Variants in GTF2IRD2B observed in about 807,000 individuals in gnomAD.
GTF2IRD2B encodes GTF2I repeat domain containing 2B, also known as general transcription factor II-I repeat domain-containing protein 2B.
GTF2IRD2B carries 10 observed loss-of-function variants against 55.6 expected under a neutral mutation model. That is an observed-to-expected ratio of 0.18 (90% CI 0.11 to 0.31). GTF2IRD2B has a LOEUF of 0.31. Among genes scored for constraint, GTF2IRD2B ranks in the 10% least tolerant of loss-of-function variants. GTF2IRD2B has a pLI of 1.00. For missense variants in GTF2IRD2B, 206 were observed against 802.7 expected, an observed-to-expected ratio of 0.26 and a Z score of 8.98; for synonymous variants, 107 against 320.5, an observed-to-expected ratio of 0.33 and a Z score of 7.12.
At chr7:75,118,012 G>A (rs1712294118) in intron 3 of GTF2IRD2B, among the ~76,000 whole-genome samples, 1 of 150,854 alleles carries the variant, frequency 6.6e-6, no homozygotes, top group South Asian at 2.1e-4. Context: ...GAACCCAGGA[G>A]GTGGAGGTTG....
intron 4 of GTF2IRD2B, 148 bp from the exon 5 acceptor site, chr7:75,122,988 T>G: frequency 1.8e-6 from 2 of 1,135,802 alleles, no homozygotes. Context: ...AGGTGGAGGT[T>G]GCAGCGAGCC....
intron 1 of GTF2IRD2B, among the ~76,000 whole-genome samples, chr7:75,105,273 G>T (rs1330827542): frequency 6.6e-6 from 1 of 152,308 alleles, no homozygotes; most frequent in African/African-American, 2.4e-5. Flanking sequence ...GGAGGCCGAG[G>T]CGGGCGGATC....
chr7:75,145,731 CAAA>C (rs1239787118), intron 15 of GTF2IRD2B, among the ~76,000 whole-genome samples: 5 of 83,702 alleles, frequency 6.0e-5, no homozygotes, highest in Admixed American at 2.5e-4. Context: ...GACTCTGTCT[CAAA>C]AAAAAAAAAA....
At chr7:75,109,340 A>G (rs1807892630) in intron 2 of GTF2IRD2B, among the ~76,000 whole-genome samples, 1 of 137,528 alleles carries the variant, frequency 7.3e-6, no homozygotes, top group Admixed American at 7.5e-5. Context: ...CATCCAGCTA[A>G]TTTTTGTTTT....
intron 3 of GTF2IRD2B, 51 bp from the exon 4 acceptor site, chr7:75,120,840 G>A (rs781842350): frequency 2.5e-6 from 4 of 1,598,634 alleles, no homozygotes; most frequent in Non-Finnish European, 3.4e-6. Flanking sequence ...GTACGGAAGT[G>A]TACAGCACAA....
At chr7:75,102,720 G>C (rs1807616168) in intron 1 of GTF2IRD2B, among the ~76,000 whole-genome samples, 1 of 151,676 alleles carries the variant, frequency 6.6e-6, no homozygotes, top group African/African-American at 2.4e-5. Context: ...GGCTTCGGGA[G>C]GCCAAGGCAG....
rs781805907 is a variant in GTF2IRD2B at position 75,149,285 on chromosome 7, C to T, written c.2838C>T (p.His946=). The part of the protein sequence containing the change: ...LKDSQWDSVL[H]IAT The stretch of plus-strand genomic sequence containing the variant: ...ATTCCCAGTGGGATTCTGTACTCCA[C>T]ATCGCAACGTGATGGAGAGAAAACT... Residue 946 remains histidine, a synonymous_variant, in exon 16 of 16, where the codon CAC becomes CAT. Transcript: ENST00000472837. 2 of 758,150 alleles carry T rather than the reference C, an allele frequency of 2.6e-6. No homozygotes were observed. The highest frequency in any genetic ancestry group is 2.4e-6 in the Non-Finnish European group (1 of 410,614). 47.0% of individuals were successfully genotyped at this position (758,150 alleles called of 1,614,324 possible).
Position 75,105,332 on chromosome 7 carries a change from C to T in GTF2IRD2B, c.-5-3628C>T, listed in dbSNP as rs1316257056. On this transcript the variant is annotated intron_variant, in intron 1 of 15. Coordinates refer to ENST00000472837, the MANE Select transcript of GTF2IRD2B (RefSeq NM_001003795.3). The stretch of plus-strand genomic sequence containing the variant: ...CAGCCTGGCCAACATGGTGTAACCC[C>T]GTCTCCACCAAAAATACAAAAATTA... Among the ~76,000 whole-genome samples, 10 of 152,330 alleles carry T rather than the reference C, an allele frequency of 6.6e-5. No individual in the cohort carries two copies. In the East Asian group the frequency reaches 9.6e-4, roughly 15 times the overall value.
chr7:75,117,427 G>A lies in GTF2IRD2B; in HGVS notation c.239-3464G>A, dbSNP rs202053062. ...GGAGAATCGCTTGAACCCGGGAGGC[G>A]GAGGTTGCAGTGAGCTCTCACCTGC... On this transcript the variant is annotated intron_variant, in intron 3 of 15. Transcript: ENST00000472837. Among the ~76,000 whole-genome samples the A allele has an allele frequency of 3.3e-4, 51 of 152,384 alleles. No individual in the cohort carries two copies. The East Asian group carries it at 5.8e-3, about 17-fold the overall frequency.
At chr7:75,102,088 C>T (rs1201037133) in intron 1 of GTF2IRD2B, among the ~76,000 whole-genome samples, 70 of 150,684 alleles carry the variant, frequency 4.6e-4, no homozygotes, top group African/African-American at 1.4e-3. Context: ...CTGCAACCTC[C>T]GCCTCCCGGG....
chr7:75,114,540 G>A (rs1337948243), intron 3 of GTF2IRD2B, among the ~76,000 whole-genome samples: 4 of 150,910 alleles, frequency 2.7e-5, no homozygotes, highest in Admixed American at 6.6e-5. Context: ...ACAGTAGTGA[G>A]CATAGTACCC....
At chr7:75,135,214 A>G (rs1808799767) in intron 10 of GTF2IRD2B, among the ~76,000 whole-genome samples, 157 bp downstream of exon 10, 1 of 147,866 alleles carries the variant, frequency 6.8e-6, no homozygotes, top group Non-Finnish European at 1.5e-5. Context: ...GCTCACTACA[A>G]CCTCTGCCTC....
intron 3 of GTF2IRD2B, among the ~76,000 whole-genome samples, chr7:75,113,954 C>T (rs1554537604): frequency 1.3e-5 from 2 of 148,914 alleles, no homozygotes; most frequent in African/African-American, 5.0e-5. Flanking sequence ...TGTATATAGA[C>T]AGATTAGATA....
intron 1 of GTF2IRD2B, among the ~76,000 whole-genome samples, chr7:75,105,257 AC>A (rs1195237298): frequency 6.6e-6 from 1 of 152,250 alleles, no homozygotes; most frequent in African/African-American, 2.4e-5. Flanking sequence ...TAATCCCAGC[AC>A]TTTAGGAGGC....
chr7:75,106,173 C>T (rs1217380586), intron 1 of GTF2IRD2B, among the ~76,000 whole-genome samples: 19 of 152,426 alleles, frequency 1.2e-4, no homozygotes, highest in Non-Finnish European at 2.1e-4. Flanking sequence ...GAGGCTGAGG[C>T]GGGCAGATCA....
At chr7:75,118,312 A>C (rs1563094346) in intron 3 of GTF2IRD2B, among the ~76,000 whole-genome samples, 1 of 150,848 alleles carries the variant, frequency 6.6e-6, no homozygotes, top group Non-Finnish European at 1.5e-5. Flanking sequence ...TGTTGCAGGC[A>C]CCCACAGGGT....
intron 6 of GTF2IRD2B, 142 bp downstream of exon 6, chr7:75,123,658 A>G (rs1203303135): frequency 1.5e-6 from 1 of 652,116 alleles, no homozygotes; most frequent in Non-Finnish European, 2.8e-6. Context: ...GGTGGATCAC[A>G]AGGTCAGGAG....
intron 1 of GTF2IRD2B, among the ~76,000 whole-genome samples, chr7:75,101,893 C>CAAAAAAAA (rs1243907524): frequency 1.3e-5 from 1 of 78,392 alleles, no homozygotes; most frequent in Non-Finnish European, 2.3e-5. Flanking sequence ...GACCCCATCT[C>CAAAAAAAA]AAAAAAAAAA....
At chr7:75,112,713 G>C in intron 3 of GTF2IRD2B, 178 bp downstream of exon 3, 1 of 1,508,692 alleles carries the variant, frequency 6.6e-7, no homozygotes, top group South Asian at 1.2e-5. Context: ...CAAGACAAAT[G>C]GTCATTTTAT....
Sources: allele counts gnomAD v4.1 joint callset (sites outside exome capture counted in the v4.1 genomes callset), GRCh38; gene constraint gnomAD v4.1.1; transcripts MANE v1.5; gene names NCBI Gene and HGNC (gene_info 2026-07-23, HGNC 2026-07-21).